Variants in CLMP observed in about 807,000 individuals in gnomAD.
The protein encoded by CLMP is CXADR-like membrane protein.
In CLMP, 27 loss-of-function variants were observed where a neutral mutation model predicts 45.2. That is an observed-to-expected ratio of 0.60 (90% CI 0.44 to 0.82). The LOEUF (loss-of-function observed/expected upper bound fraction) is 0.82. Ranked by LOEUF, CLMP falls within the 40% of genes least tolerant of loss-of-function variation. The pLI is 0.00. For missense variants in CLMP, 403 were observed against 448.4 expected (o/e 0.90, Z 0.91); for synonymous variants, 167 against 171.4 (o/e 0.97, Z 0.20).
chr11:123,193,805 A>G (rs1861940910), intron 1 of CLMP, among the ~76,000 whole-genome samples: 1 of 152,150 alleles, frequency 6.6e-6, no homozygotes, highest in Admixed American at 6.5e-5. Flanking sequence ...TTCCAGAGCT[A>G]AAGACGTGGA....
chr11:123,137,616 GGCT>G, intron 1 of CLMP, among the ~76,000 whole-genome samples: 1 of 152,148 alleles, frequency 6.6e-6, no homozygotes, highest in African/African-American at 2.4e-5. Flanking sequence ...GCAGGCTGCA[GGCT>G]GCCTGCAGCC....
At chr11:123,160,752 C>G (rs918468874) in intron 1 of CLMP, among the ~76,000 whole-genome samples, 1 of 151,792 alleles carries the variant, frequency 6.6e-6, no homozygotes, top group Non-Finnish European at 1.5e-5. Flanking sequence ...CTGAGGTGGG[C>G]GGATCACCTG....
In CLMP at chr11:123,131,324, T is replaced by C. The variant is rs544595129; in HGVS notation, c.29-33372A>G. Among the ~76,000 whole-genome samples, 17 of 151,722 alleles carry C rather than the reference T, an allele frequency of 1.1e-4. No individual in the cohort carries two copies. In the South Asian group the frequency reaches 2.3e-3, roughly 20 times the overall value. Reference sequence around the variant, plus strand: ...AATATTTCCTGGTAGCCACAAAGATTAGAAAAAAATACAGAAAAAAAAGAA... The same window carrying C: ...AATATTTCCTGGTAGCCACAAAGATCAGAAAAAAATACAGAAAAAAAAGAA... On this transcript the variant is annotated intron_variant, in intron 1 of 6. Transcript: ENST00000448775.
At chr11:123,103,867 T>C (rs1860493533) in intron 1 of CLMP, among the ~76,000 whole-genome samples, 3 of 150,732 alleles carry the variant, frequency 2.0e-5, no homozygotes, top group African/African-American at 4.9e-5. Flanking sequence ...TGTCACTCTG[T>C]TGCCCAGGCT....
chr11:123,172,011 C>T (rs1166132996), intron 1 of CLMP, among the ~76,000 whole-genome samples: 1 of 151,298 alleles, frequency 6.6e-6, no homozygotes, highest in African/African-American at 2.5e-5. Flanking sequence ...ACTGTATATA[C>T]AATTCTGTAT....
At chr11:123,189,289 G>C (rs925322130) in intron 1 of CLMP, among the ~76,000 whole-genome samples, 1 of 152,196 alleles carries the variant, frequency 6.6e-6, no homozygotes, top group African/African-American at 2.4e-5. Context: ...ATAACCATGT[G>C]TCTCCTGGTA....
At chr11:123,175,466 TG>T (rs749474883) in intron 1 of CLMP, among the ~76,000 whole-genome samples, 4 of 151,154 alleles carry the variant, frequency 2.6e-5, no homozygotes, top group Non-Finnish European at 5.9e-5. Context: ...CCTTGACAGG[TG>T]GGGATTACAA....
Position 123,084,552 on chromosome 11 carries a change from T to C in CLMP, c.348A>G (p.Ser116=). The change falls in exon 3 of 7, where the codon TCA becomes TCG. Residue 116 remains serine, a synonymous_variant. Transcript: ENST00000448775. The part of the protein sequence containing the change: ...EGRYTCKVKN[S]GRYVWSHVIL... ...TGACATGGCTCCACACGTAGCGCCC[T>C]GAATTCTTAACCTTACAGGTGTACC... is the stretch of plus-strand genomic sequence containing the variant. The C allele has an allele frequency of 6.2e-7, 1 of 1,614,214 alleles. No homozygotes were observed. Among genetic ancestry groups the C allele is most frequent in the Non-Finnish European group, 8.5e-7 (1 of 1,180,038 alleles).
intron 5 of CLMP, among the ~76,000 whole-genome samples, chr11:123,076,641 T>G (rs1010257045): frequency 6.6e-6 from 1 of 152,036 alleles, no homozygotes; most frequent in Non-Finnish European, 1.5e-5. Flanking sequence ...GCAAGTACAA[T>G]TAATGTGAGT....
At chr11:123,115,050 A>G (rs938323469) in intron 1 of CLMP, among the ~76,000 whole-genome samples, 1 of 152,072 alleles carries the variant, frequency 6.6e-6, no homozygotes, top group Admixed American at 6.6e-5. Flanking sequence ...TCTACAAAAA[A>G]GTATATATTG....
chr11:123,130,790 G>A lies in CLMP; in HGVS notation c.29-32838C>T, dbSNP rs1860974706. On this transcript the variant is annotated intron_variant, in intron 1 of 6. Coordinates refer to ENST00000448775, the MANE Select transcript of CLMP (RefSeq NM_024769.5). The stretch of plus-strand genomic sequence containing the variant: ...TCTAAACACCGTCATAGCAAAAAGT[G>A]TGGTAAGTTCTTTGTTTTCCTTCCC... Among the ~76,000 whole-genome samples, 4 of 151,174 alleles carry A rather than the reference G, an allele frequency of 2.6e-5. No individual in the cohort carries two copies. The South Asian group carries it at 8.4e-4, about 32-fold the overall frequency.
intron 1 of CLMP, among the ~76,000 whole-genome samples, chr11:123,145,927 C>T (rs1459100134): frequency 1.3e-5 from 2 of 152,216 alleles, no homozygotes; most frequent in Non-Finnish European, 2.9e-5. Flanking sequence ...ACCTATAGCC[C>T]TCCCTGGAGG....
intron 1 of CLMP, among the ~76,000 whole-genome samples, chr11:123,125,867 A>G (rs1860886931): frequency 6.6e-6 from 1 of 151,782 alleles, no homozygotes; most frequent in Non-Finnish European, 1.5e-5. Flanking sequence ...CCGCCTCCCA[A>G]AGTGCTTGGA....
At chr11:123,185,762 C>T (rs559885606) in intron 1 of CLMP, among the ~76,000 whole-genome samples, 72 of 152,292 alleles carry the variant, frequency 4.7e-4, no homozygotes, top group African/African-American at 1.5e-3. Flanking sequence ...CAGTTTAGCC[C>T]TCTTTAATGA....
intron 1 of CLMP, among the ~76,000 whole-genome samples, chr11:123,150,480 A>AAAGGAAGGAAGG (rs71057397): frequency 0.017 from 677 of 40,856 alleles, 26 homozygotes; most frequent in Middle Eastern, 0.023. Context: ...AGAAAGAAAG[A>AAAGGAAGGAAGG]AAGGAAGGAA....
At chr11:123,125,478 C>CT (rs1268489673) in intron 1 of CLMP, among the ~76,000 whole-genome samples, 1 of 127,350 alleles carries the variant, frequency 7.9e-6, no homozygotes. Flanking sequence ...TCCCTCCCTC[C>CT]TCCCTCCCTC....
chr11:123,126,624 G>A (rs1860898893), intron 1 of CLMP, among the ~76,000 whole-genome samples: 1 of 152,180 alleles, frequency 6.6e-6, no homozygotes, highest in Admixed American at 6.6e-5. Flanking sequence ...TAGGCTGGGT[G>A]CAGTAGCTCA....
At chr11:123,117,194 A>G in intron 1 of CLMP, among the ~76,000 whole-genome samples, 1 of 152,248 alleles carries the variant, frequency 6.6e-6, no homozygotes, top group East Asian at 1.9e-4. Flanking sequence ...TAAAATGCAT[A>G]TAATATACCA....
chr11:123,080,125 A>G (rs970070651), intron 5 of CLMP, among the ~76,000 whole-genome samples: 1 of 152,154 alleles, frequency 6.6e-6, no homozygotes, highest in Non-Finnish European at 1.5e-5. Flanking sequence ...TAAGGCTCTT[A>G]AAGCAGCTGG....
Sources: gnomAD v4.1 joint callset for allele counts (sites outside exome capture counted in the v4.1 genomes callset) on GRCh38, gnomAD v4.1.1 for gene constraint, MANE v1.5 for transcripts, NCBI Gene and HGNC (gene_info 2026-07-23, HGNC 2026-07-21) for gene names.